The following DBT variants were observed in gnomAD, a reference collection of about 807,000 sequenced individuals.
DBT encodes the protein lipoamide acyltransferase component of branched-chain alpha-keto acid dehydrogenase complex, mitochondrial.
In DBT, 40 loss-of-function variants were observed where a neutral mutation model predicts 51.3. The ratio of observed to expected loss-of-function variants is 0.78; its 90% CI spans 0.61 to 1.02. The LOEUF (loss-of-function observed/expected upper bound fraction) is 1.02. Among genes scored for constraint, DBT ranks in the 50% least tolerant of loss-of-function variants. DBT has a pLI of 0.00. For missense variants in DBT, 510 were observed against 580.2 expected, an observed-to-expected ratio of 0.88 and a Z score of 1.24; for synonymous variants, 181 against 190.4, an observed-to-expected ratio of 0.95 and a Z score of 0.41.
At chr1:100,213,736 A>T in intron 7 of DBT, 1 of 1,555,064 alleles carries the variant, frequency 6.4e-7, no homozygotes, top group African/African-American at 1.4e-5. Context: ...GTTGTGTTCA[A>T]TAGTTTTATT....
At chr1:100,218,514 T>G (rs545893695) in intron 5 of DBT, 112 bp downstream of exon 5, 10 of 1,213,546 alleles carry the variant, frequency 8.2e-6, no homozygotes, top group Non-Finnish European at 1.2e-5. Context: ...AATATCTTCA[T>G]GTTTCCTTAA....
At chr1:100,246,720 G>C (rs995231930) in intron 1 of DBT, among the ~76,000 whole-genome samples, 5 of 152,188 alleles carry the variant, frequency 3.3e-5, no homozygotes, top group Admixed American at 3.3e-4. Context: ...CCAGGCACTT[G>C]GGATTATACA....
intron 10 of DBT, chr1:100,196,973 G>A (rs376820739): frequency 9.5e-6 from 2 of 211,252 alleles, no homozygotes; most frequent in South Asian, 1.8e-4. Context: ...CCTTGATCAG[G>A]CCCGGAGAGA....
chr1:100,199,388 A>T (rs1661300419), intron 10 of DBT, among the ~76,000 whole-genome samples: 1 of 152,184 alleles, frequency 6.6e-6, no homozygotes, highest in South Asian at 2.1e-4. Context: ...GTTTTCTATT[A>T]TTCTTTGGTA....
At chr1:100,216,249 C>T (rs1286539730) in intron 5 of DBT, 50 bp from the exon 6 acceptor site, 3 of 1,311,490 alleles carry the variant, frequency 2.3e-6, no homozygotes, top group Non-Finnish European at 3.3e-6. Flanking sequence ...TTAAAAACAT[C>T]ATTAAAGTTT....
At chr1:100,225,049 A>ATT (rs1553231609) in intron 4 of DBT, among the ~76,000 whole-genome samples, 1 of 84,176 alleles carries the variant, frequency 1.2e-5, no homozygotes, top group Non-Finnish European at 2.2e-5. Context: ...AAAAATATAT[A>ATT]TATACACACA....
chr1:100,224,389 TTCTC>T (rs1304484234), intron 4 of DBT, among the ~76,000 whole-genome samples: 1 of 152,200 alleles, frequency 6.6e-6, no homozygotes, highest in Admixed American at 6.5e-5. Flanking sequence ...ATATATAAAT[TTCTC>T]TCATTAAGCT....
chr1:100,220,412 T>G (rs1662782373), intron 4 of DBT, among the ~76,000 whole-genome samples: 1 of 152,242 alleles, frequency 6.6e-6, no homozygotes, highest in Non-Finnish European at 1.5e-5. Flanking sequence ...CAACTGAATC[T>G]GCTTTGACAG....
chr1:100,196,347 T>C lies in DBT; in HGVS notation c.1357A>G (p.Arg453Gly). Residue 453 changes from arginine (R) to glycine (G), a missense_variant, in exon 11 of 11, where the codon AGA becomes GGA. By Grantham distance (125) the Arg-to-Gly change is moderately radical. Coordinates refer to ENST00000370132, the MANE Select transcript of DBT (RefSeq NM_001918.5). ...GACATTGTAGCACCATCAATAACTC[T>C]GTGATCAGCTGACCAGCTCACATTC... ...IMNVSWSADH[R>G]VIDGATMSRF... 1 of 1,602,770 alleles carries C rather than the reference T, an allele frequency of 6.2e-7. No individual in the cohort carries two copies. Among genetic ancestry groups the C allele is most frequent in the Non-Finnish European group, 8.5e-7 (1 of 1,177,218 alleles).
chr1:100,225,950 G>C (rs1429642698), intron 4 of DBT, among the ~76,000 whole-genome samples: 2 of 151,698 alleles, frequency 1.3e-5, no homozygotes, highest in Non-Finnish European at 2.9e-5. Context: ...AATGAGCTAT[G>C]ATCGTGCCAC....
chr1:100,215,770 C>T (rs566385553), intron 6 of DBT, among the ~76,000 whole-genome samples: 30 of 151,986 alleles, frequency 2.0e-4, no homozygotes, highest in Non-Finnish European at 4.1e-4. Context: ...TGCAGTGAGC[C>T]AAGATCGTGC....
At chr1:100,219,813 T>C (rs921285520) in intron 4 of DBT, among the ~76,000 whole-genome samples, 2 of 152,012 alleles carry the variant, frequency 1.3e-5, no homozygotes, top group African/African-American at 4.8e-5. Context: ...TGAGATGATA[T>C]AGTACGTAAA....
chr1:100,213,628 G>A, intron 7 of DBT: 1 of 1,607,806 alleles, frequency 6.2e-7, no homozygotes, highest in South Asian at 1.1e-5. Flanking sequence ...GTTTTGCCTT[G>A]AGGGAGCGAA....
In DBT at chr1:100,215,975, A is replaced by C. The variant is rs1453439500; in HGVS notation, c.772+8T>G. The stretch of plus-strand genomic sequence containing the variant: ...ATTGCCTTATAGTATTGTTATTATT[A>C]TCATTACCTTTTATGGGTTCTGTTT... On this transcript the variant is annotated splice_region_variant and intron_variant, in intron 6 of 10. Coordinates refer to ENST00000370132, the MANE Select transcript of DBT (RefSeq NM_001918.5). 1 of 1,492,628 alleles carries C rather than the reference A, an allele frequency of 6.7e-7. No individual in the cohort carries two copies. Among genetic ancestry groups the C allele is most frequent in the East Asian group, 2.3e-5 (1 of 44,330 alleles). 92.5% of individuals were successfully genotyped at this position (1,492,628 alleles called of 1,614,324 possible). A position where few individuals can be genotyped will look rare whatever the true frequency, so the allele number is the denominator to read the frequency against.
chr1:100,235,445 A>G lies in DBT; in HGVS notation c.242T>C (p.Val81Ala). ...TTTCAGATTCACTTACCATTCTTTA[A>G]CAGTTACTTCTCTAATCCCTTCTCC... Reference protein sequence around the residue: ...DIGEGIREVTVKEWYVKEGDT... With the variant: ...DIGEGIREVTAKEWYVKEGDT... The change falls in exon 3 of 11, where the codon GTT becomes GCT. Residue 81 changes from valine (V) to alanine (A), a missense_variant. By Grantham distance (64) the Val-to-Ala change is moderately conservative. Transcript: ENST00000370132. 6.5e-7 allele frequency: 1 copy of G among 1,534,984 alleles called. No individual in the cohort carries two copies. Among genetic ancestry groups the G allele is most frequent in the Non-Finnish European group, 9.0e-7 (1 of 1,110,374 alleles).
chr1:100,218,891 C>G (rs1662652645), intron 4 of DBT, 144 bp from the exon 5 acceptor site: 4 of 594,934 alleles, frequency 6.7e-6, no homozygotes, highest in African/African-American at 2.0e-5. Context: ...TGAACTACTT[C>G]AGAATAGGAA....
chr1:100,201,166 G>A (rs528100772), intron 10 of DBT, among the ~76,000 whole-genome samples: 1 of 152,136 alleles, frequency 6.6e-6, no homozygotes, highest in African/African-American at 2.4e-5. Context: ...TAAAAGGTTA[G>A]AGGAATTGCT....
chr1:100,245,847 GA>G (rs1365959242), intron 1 of DBT, among the ~76,000 whole-genome samples: 2 of 152,162 alleles, frequency 1.3e-5, no homozygotes, highest in Non-Finnish European at 2.9e-5. Context: ...AGCTACTTGG[GA>G]GGCTGAGGAA....
chr1:100,218,804 G>A (rs570410060), intron 4 of DBT, 57 bp from the exon 5 acceptor site: 298 of 1,455,424 alleles, frequency 2.0e-4, no homozygotes, highest in Non-Finnish European at 2.8e-4. Context: ...TTTTTACTAA[G>A]ATGTAAAGTA....
Sources: allele counts gnomAD v4.1 joint callset (sites outside exome capture counted in the v4.1 genomes callset), GRCh38; gene constraint gnomAD v4.1.1; transcripts MANE v1.5; gene names NCBI Gene and HGNC (gene_info 2026-07-23, HGNC 2026-07-21).